Variants in RAPGEF1 observed in about 807,000 individuals in gnomAD.
The protein encoded by RAPGEF1 is CRK SH3-binding GNRP.
Under a neutral mutation model 143.3 loss-of-function variants are expected in RAPGEF1, and 33 were observed. The ratio of observed to expected loss-of-function variants is 0.23; its 90% CI spans 0.17 to 0.31. The LOEUF (loss-of-function observed/expected upper bound fraction) is 0.31, where lower values mean the gene tolerates loss of function less well. Ranked by LOEUF, RAPGEF1 falls within the 10% of genes least tolerant of loss-of-function variation. The pLI is 1.00. For missense variants in RAPGEF1, 1,199 were observed against 1,645.4 expected (o/e 0.73, Z 4.69); for synonymous variants, 629 against 676.5 (o/e 0.93, Z 1.09).
At chr9:131,656,850 C>A (rs571449375) in intron 1 of RAPGEF1, among the ~76,000 whole-genome samples, 1 of 152,316 alleles carries the variant, frequency 6.6e-6, no homozygotes, top group South Asian at 2.1e-4. Context: ...CTGCCTTGGG[C>A]AAGGCTGGGA....
chr9:131,626,107 G>C lies in RAPGEF1; in HGVS notation c.1517C>G (p.Ser506Cys). 1 of 1,614,010 alleles carries C rather than the reference G, an allele frequency of 6.2e-7. No homozygotes were observed. The highest frequency in any genetic ancestry group is 8.5e-7 in the Non-Finnish European group (1 of 1,179,890). Residue 506 changes from serine (S) to cysteine (C), a missense_variant, in exon 10 of 27, where the codon TCT becomes TGT. Coordinates refer to ENST00000683357, the MANE Select transcript of RAPGEF1 (RefSeq NM_001377935.1). ...GGCTGTGCTCTGCAGGTCCTCCCCAGAGATGTTGTCATACTGCGAGGGATG... is the reference window on the plus strand; with the variant it reads ...GGCTGTGCTCTGCAGGTCCTCCCCACAGATGTTGTCATACTGCGAGGGATG... ...ERHPSQYDNI[S>C]GEDLQSTAPI...
chr9:131,719,728 C>T (rs1160459199), intron 1 of RAPGEF1, among the ~76,000 whole-genome samples: 1 of 151,814 alleles, frequency 6.6e-6, no homozygotes, highest in Non-Finnish European at 1.5e-5. Flanking sequence ...TGTTACTGTT[C>T]TCATTCTACA....
At chr9:131,693,288 C>T (rs1201987094) in intron 1 of RAPGEF1, among the ~76,000 whole-genome samples, 2 of 151,948 alleles carry the variant, frequency 1.3e-5, no homozygotes, top group Admixed American at 6.6e-5. Context: ...GAGAGCATGA[C>T]AAAAAGGGAG....
intron 4 of RAPGEF1, among the ~76,000 whole-genome samples, chr9:131,639,695 G>A (rs1967289677): frequency 6.6e-6 from 1 of 152,008 alleles, no homozygotes; most frequent in Non-Finnish European, 1.5e-5. Flanking sequence ...TTTATGTGCT[G>A]CAACCTCCTC....
intron 1 of RAPGEF1, among the ~76,000 whole-genome samples, chr9:131,687,747 C>T (rs1564167801): frequency 2.0e-5 from 3 of 152,244 alleles, no homozygotes; most frequent in South Asian, 2.1e-4. Flanking sequence ...ACACTAAATG[C>T]TTAATCTTCT....
intron 1 of RAPGEF1, among the ~76,000 whole-genome samples, chr9:131,673,696 C>CG (rs1324461459): frequency 1.3e-5 from 2 of 152,146 alleles, no homozygotes; most frequent in Non-Finnish European, 1.5e-5. Flanking sequence ...AGCACCCCCC[C>CG]GGCCGCCCCA....
At chr9:131,620,410 G>A (rs186087243) in intron 11 of RAPGEF1, among the ~76,000 whole-genome samples, 1 of 152,230 alleles carries the variant, frequency 6.6e-6, no homozygotes, top group African/African-American at 2.4e-5. Flanking sequence ...CTGGCTCTCG[G>A]CAACAGTTCT....
At chr9:131,592,222 C>T in intron 17 of RAPGEF1, 39 bp from the exon 18 acceptor site, 1 of 1,517,190 alleles carries the variant, frequency 6.6e-7, no homozygotes, top group Non-Finnish European at 9.1e-7. Flanking sequence ...TGTCTGGGTG[C>T]AGAGTGCTGG....
intron 1 of RAPGEF1, among the ~76,000 whole-genome samples, chr9:131,690,232 C>T (rs57218439): frequency 6.6e-6 from 1 of 152,044 alleles, no homozygotes; most frequent in African/African-American, 2.4e-5. Flanking sequence ...AAGATACTTT[C>T]TAAATAGGAA....
At chr9:131,724,849 C>T (rs1332616740) in intron 1 of RAPGEF1, among the ~76,000 whole-genome samples, 1 of 152,204 alleles carries the variant, frequency 6.6e-6, no homozygotes, top group African/African-American at 2.4e-5. Flanking sequence ...CCAAGAGACA[C>T]ACAGATATTG....
rs1964426013 is a variant in RAPGEF1 at position 131,630,097 on chromosome 9, C to T, written c.740+139G>A. 10 of 693,890 alleles carry T rather than the reference C, an allele frequency of 1.4e-5. No individual in the cohort carries two copies. The South Asian group carries it at 1.5e-4, about 11-fold the overall frequency. 43.0% of individuals were successfully genotyped at this position (693,890 alleles called of 1,614,324 possible). On this transcript the variant is annotated intron_variant, in intron 6 of 26. Coordinates refer to ENST00000683357, the MANE Select transcript of RAPGEF1 (RefSeq NM_001377935.1). Reference sequence around the variant, plus strand: ...CAAGCCTGTGTGAAATATACACACACTGCTAACCACTGAAAAAGGAATATG... The same window carrying T: ...CAAGCCTGTGTGAAATATACACACATTGCTAACCACTGAAAAAGGAATATG...
At chr9:131,719,357 T>G (rs901066823) in intron 1 of RAPGEF1, among the ~76,000 whole-genome samples, 26 of 152,106 alleles carry the variant, frequency 1.7e-4, no homozygotes, top group African/African-American at 6.3e-4. Flanking sequence ...ACAAGAAGCA[T>G]GAACTGGAAG....
At chr9:131,599,120 GCC>G (rs1333123332) in intron 15 of RAPGEF1, among the ~76,000 whole-genome samples, 10 of 140,466 alleles carry the variant, frequency 7.1e-5, no homozygotes, top group South Asian at 4.6e-4. Flanking sequence ...ACCGTGCCCA[GCC>G]ACTTATTTGT....
At position 131,602,525 on chromosome 9, in the gene RAPGEF1, C is replaced by T. The variant is rs563327882; in HGVS notation, c.2413-376G>A. On this transcript the variant is annotated intron_variant, in intron 14 of 26. Coordinates refer to ENST00000683357, the MANE Select transcript of RAPGEF1 (RefSeq NM_001377935.1). ...CGTCAGTGAGCTAACACCATCGTCC[C>T]CACTCCATGCATAGAAACAGAGGCC... Among the ~76,000 whole-genome samples the T allele has an allele frequency of 1.4e-4, 21 of 152,304 alleles. 1 individual carries two copies. In the South Asian group the frequency reaches 4.4e-3, roughly 32 times the overall value.
At chr9:131,622,118 G>T in intron 10 of RAPGEF1, 120 bp from the exon 11 acceptor site, 1 of 942,892 alleles carries the variant, frequency 1.1e-6, no homozygotes, top group Non-Finnish European at 1.6e-6. Flanking sequence ...AGAGAGGGAC[G>T]AACAGACGGA....
intron 24 of RAPGEF1, 79 bp from the exon 25 acceptor site, chr9:131,582,781 C>A: frequency 7.7e-7 from 1 of 1,292,728 alleles, no homozygotes. Flanking sequence ...CCTGGTCCTC[C>A]TCACTAACTG....
intron 1 of RAPGEF1, among the ~76,000 whole-genome samples, chr9:131,659,615 G>C (rs1278541690): frequency 2.0e-5 from 3 of 152,160 alleles, no homozygotes; most frequent in African/African-American, 4.8e-5. Context: ...CATAGCCACA[G>C]ACCTAGCTCC....
intron 10 of RAPGEF1, among the ~76,000 whole-genome samples, chr9:131,622,926 T>A (rs1961643106): frequency 1.3e-5 from 2 of 152,070 alleles, no homozygotes; most frequent in South Asian, 4.1e-4. Flanking sequence ...CACCACCGTG[T>A]CCAGCTAATT....
chr9:131,691,663 G>C (rs1833788698), intron 1 of RAPGEF1, among the ~76,000 whole-genome samples: 1 of 152,124 alleles, frequency 6.6e-6, no homozygotes, highest in Non-Finnish European at 1.5e-5. Context: ...ACAAGAAGAG[G>C]TCTCTAATAA....
Sources: allele counts gnomAD v4.1 joint callset (sites outside exome capture counted in the v4.1 genomes callset), GRCh38; gene constraint gnomAD v4.1.1; transcripts MANE v1.5; gene names NCBI Gene and HGNC (gene_info 2026-07-23, HGNC 2026-07-21).